EPHA4: variants seen among roughly 807,000 people sequenced by gnomAD.
EPHA4 encodes the protein ephrin type-A receptor 4.
Under a neutral mutation model 108.3 loss-of-function variants are expected in EPHA4, and 19 were observed. The observed-to-expected ratio is 0.18, with a 90% CI of 0.12 to 0.26. The LOEUF is 0.26. Ranked by LOEUF, EPHA4 falls within the 10% of genes least tolerant of loss-of-function variation. EPHA4 has a pLI of 1.00. For synonymous variants in EPHA4, 449 were observed against 455.5 expected (o/e 0.99, Z 0.18); for missense variants, 917 against 1,254.0 (o/e 0.73, Z 4.06).
At chr2:221,553,480 T>C (rs1471482720) in intron 3 of EPHA4, among the ~76,000 whole-genome samples, 1 of 152,188 alleles carries the variant, frequency 6.6e-6, no homozygotes, top group Non-Finnish European at 1.5e-5. Flanking sequence ...TGCCATGGTA[T>C]TATAGGAGGA....
At chr2:221,450,354 G>A (rs1690741717) in intron 8 of EPHA4, among the ~76,000 whole-genome samples, 1 of 152,196 alleles carries the variant, frequency 6.6e-6, no homozygotes, top group African/African-American at 2.4e-5. Flanking sequence ...TTCAATAGGA[G>A]GAGAAAATTA....
At chr2:221,544,882 G>A (rs961316150) in intron 3 of EPHA4, among the ~76,000 whole-genome samples, 4 of 152,134 alleles carry the variant, frequency 2.6e-5, no homozygotes, top group African/African-American at 9.7e-5. Flanking sequence ...AAAGAAAAAA[G>A]ACCACGTGAG....
chr2:221,445,920 C>A (rs1690579510), intron 9 of EPHA4, among the ~76,000 whole-genome samples: 1 of 152,134 alleles, frequency 6.6e-6, no homozygotes, highest in South Asian at 2.1e-4. Flanking sequence ...AAAGAAACTT[C>A]TCTACCTCAT....
At chr2:221,427,211 C>T (rs191305473) in intron 15 of EPHA4, among the ~76,000 whole-genome samples, 4 of 152,286 alleles carry the variant, frequency 2.6e-5, no homozygotes, top group East Asian at 1.9e-4. Context: ...CTGACCAGCA[C>T]GAGTGCCAAG....
intron 16 of EPHA4, 108 bp from the exon 17 acceptor site, chr2:221,426,250 CACA>C (rs1689906001): frequency 9.2e-7 from 1 of 1,087,868 alleles, no homozygotes; most frequent in Non-Finnish European, 1.4e-6. Context: ...ATTAATACAG[CACA>C]ACAAGGCAGG....
chr2:221,487,757 T>C (rs1692021161), intron 4 of EPHA4, among the ~76,000 whole-genome samples: 1 of 152,218 alleles, frequency 6.6e-6, no homozygotes, highest in Non-Finnish European at 1.5e-5. Context: ...TAAACACCCT[T>C]CCTTCACGTT....
chr2:221,445,665 C>A (rs1319363336), intron 9 of EPHA4, among the ~76,000 whole-genome samples: 1 of 151,436 alleles, frequency 6.6e-6, no homozygotes, highest in Non-Finnish European at 1.5e-5. Context: ...TCTTTGACCT[C>A]TTTGGAACAT....
chr2:221,443,053 A>G (rs1221689020), intron 10 of EPHA4, 39 bp from the exon 11 acceptor site: 1 of 1,574,906 alleles, frequency 6.3e-7, no homozygotes, highest in South Asian at 1.1e-5. Context: ...GACCAGAAAC[A>G]CATTCAAGAT....
chr2:221,484,145 A>C (rs1336248213), intron 4 of EPHA4, among the ~76,000 whole-genome samples: 6 of 152,226 alleles, frequency 3.9e-5, no homozygotes, highest in Non-Finnish European at 8.8e-5. Flanking sequence ...GCTTGCATGA[A>C]CTTGGATGAG....
At chr2:221,546,188 G>A (rs1016923560) in intron 3 of EPHA4, among the ~76,000 whole-genome samples, 1 of 152,292 alleles carries the variant, frequency 6.6e-6, no homozygotes, top group Non-Finnish European at 1.5e-5. Flanking sequence ...GGATGGGGGA[G>A]GGGGCAGCTG....
At chr2:221,532,254 C>G (rs1255821941) in intron 3 of EPHA4, among the ~76,000 whole-genome samples, 1 of 151,930 alleles carries the variant, frequency 6.6e-6, no homozygotes, top group Non-Finnish European at 1.5e-5. Context: ...TCCAGAGTAG[C>G]TGGGATTATA....
At chr2:221,493,174 T>A (rs1020459998) in intron 4 of EPHA4, among the ~76,000 whole-genome samples, 1 of 152,144 alleles carries the variant, frequency 6.6e-6, no homozygotes, top group Non-Finnish European at 1.5e-5. Context: ...GCCTCCCCCA[T>A]CATTATATGA....
At position 221,421,249 on chromosome 2, in the gene EPHA4, G is replaced by A. The variant is rs572110037; in HGVS notation, c.*820-697C>T. 2.1e-3 allele frequency among the ~76,000 whole-genome samples: 323 copies of A among 151,798 alleles called. 2 individuals carry two copies. Among genetic ancestry groups the A allele is most frequent in the African/African-American group, 7.2e-3 (296 of 41,328 alleles). ...TGGGAGGCGGAGCTTGCAGTGAGCCGAGACAGCGCCACTGCTCTCCAGCCT... is the reference window on the plus strand; with the variant it reads ...TGGGAGGCGGAGCTTGCAGTGAGCCAAGACAGCGCCACTGCTCTCCAGCCT... On this transcript the variant is annotated intron_variant, in intron 17 of 17. Transcript: ENST00000281821.
chr2:221,567,268 TAATACATTTTAACCTACCAAGC>T (rs1369722208), intron 2 of EPHA4, among the ~76,000 whole-genome samples: 2 of 152,186 alleles, frequency 1.3e-5, no homozygotes, highest in Non-Finnish European at 2.9e-5. Context: ...CCAGCAGTTC[TAATACATTTTAACCTACCAAGC>T]AATACCCCTG....
chr2:221,428,431 A>ACATGGGCTCTGGT (rs1689974530), intron 15 of EPHA4, among the ~76,000 whole-genome samples: 1 of 152,248 alleles, frequency 6.6e-6, no homozygotes, highest in Non-Finnish European at 1.5e-5. Context: ...AAAAGAATTT[A>ACATGGGCTCTGGT]GAACTGATAA....
At chr2:221,551,912 C>T (rs553923266) in intron 3 of EPHA4, among the ~76,000 whole-genome samples, 3 of 151,808 alleles carry the variant, frequency 2.0e-5, no homozygotes, top group Non-Finnish European at 4.4e-5. Context: ...CTCTAGGATA[C>T]AAGCAGAGAG....
intron 3 of EPHA4, among the ~76,000 whole-genome samples, chr2:221,535,667 T>G (rs1044735963): frequency 3.3e-5 from 5 of 152,232 alleles, no homozygotes; most frequent in African/African-American, 1.2e-4. Flanking sequence ...AAATATAACC[T>G]GCAAGTCAAC....
chr2:221,470,515 G>T (rs73994261), intron 5 of EPHA4, among the ~76,000 whole-genome samples: 1 of 149,530 alleles, frequency 6.7e-6, no homozygotes, highest in Non-Finnish European at 1.5e-5. Context: ...ATGCTGAGAA[G>T]GTGGGTTTTA....
rs552081936 is a variant in EPHA4 at position 221,572,297 on chromosome 2, A to G, written c.-49T>C. The stretch of plus-strand genomic sequence containing the variant: ...CCTGCCGCTTCTATCCCAGTGGAAT[A>G]AATGCTTAAGTTAGGAGAGCAGCGG... On this transcript the variant is annotated 5_prime_UTR_variant, in exon 1 of 18. Transcript: ENST00000281821. The G allele has an allele frequency of 1.3e-6, 2 of 1,524,050 alleles. No homozygotes were observed. The highest frequency in any genetic ancestry group is 1.7e-5 in the Admixed American group (1 of 59,734). 94.4% of individuals were successfully genotyped at this position (1,524,050 alleles called of 1,614,324 possible). A position where few individuals can be genotyped will look rare whatever the true frequency, so the allele number is the denominator to read the frequency against.
Sources: allele counts gnomAD v4.1 joint callset (sites outside exome capture counted in the v4.1 genomes callset), GRCh38; gene constraint gnomAD v4.1.1; transcripts MANE v1.5; gene names NCBI Gene and HGNC (gene_info 2026-07-23, HGNC 2026-07-21).